LNP1: variants seen among roughly 807,000 people sequenced by gnomAD.
LNP1 encodes the protein leukemia NUP98 fusion partner 1.
LNP1 carries 12 observed loss-of-function variants against 14.5 expected under a neutral mutation model. That is an observed-to-expected ratio of 0.83 (90% CI 0.53 to 1.34). The LOEUF is 1.34. Among genes scored for constraint, LNP1 ranks in the 40% most tolerant of loss-of-function variants. The pLI, the probability that LNP1 is intolerant of heterozygous loss-of-function variation, is 0.00. For missense variants in LNP1, 198 were observed against 210.9 expected (o/e 0.94, Z 0.38); for synonymous variants, 75 against 71.4 (o/e 1.05, Z -0.26).
intron 1 of LNP1, among the ~76,000 whole-genome samples, chr3:100,418,058 C>A (rs1389966512): frequency 1.5e-5 from 2 of 137,770 alleles, no homozygotes; most frequent in African/African-American, 5.7e-5. Context: ...TTTCTCATAC[C>A]ATTTTTTTTT....
chr3:100,417,746 A>G (rs762019760), intron 1 of LNP1, among the ~76,000 whole-genome samples: 2 of 151,960 alleles, frequency 1.3e-5, no homozygotes, highest in Admixed American at 6.6e-5. Flanking sequence ...TTTGAATTAC[A>G]GTATTTGCTC....
In LNP1 at chr3:100,426,109, G is replaced by T. The variant is rs558324420; in HGVS notation, c.-33-3588G>T. Among the ~76,000 whole-genome samples, 182 of 152,292 alleles carry T rather than the reference G, an allele frequency of 1.2e-3. 1 individual carries two copies. The highest frequency in any genetic ancestry group is 4.3e-3 in the African/African-American group (178 of 41,554). ...CCCCTAGCTTGCAGCTTTTGACAGG[G>T]TTCTTGGGATTCATCATTTCTGGTG... On this transcript the variant is annotated intron_variant, in intron 1 of 3. Coordinates refer to ENST00000383693, the MANE Select transcript of LNP1 (RefSeq NM_001085451.2).
intron 1 of LNP1, among the ~76,000 whole-genome samples, chr3:100,410,718 A>G (rs1707024476): frequency 6.6e-6 from 1 of 152,230 alleles, no homozygotes; most frequent in African/African-American, 2.4e-5. Context: ...AAGGAAACAG[A>G]AAAAATGAGA....
chr3:100,429,341 A>G (rs1707222425), intron 1 of LNP1, among the ~76,000 whole-genome samples: 1 of 152,168 alleles, frequency 6.6e-6, no homozygotes, highest in Non-Finnish European at 1.5e-5. Flanking sequence ...ATGCTCCATC[A>G]TCATTGACAG....
At chr3:100,409,440 C>T (rs1466159572) in intron 1 of LNP1, among the ~76,000 whole-genome samples, 2 of 151,120 alleles carry the variant, frequency 1.3e-5, no homozygotes, top group African/African-American at 4.9e-5. Context: ...GTCAGGAGTT[C>T]GAGGCCAGCC....
chr3:100,448,599 T>G (rs1020269374), intron 2 of LNP1, among the ~76,000 whole-genome samples: 3 of 152,208 alleles, frequency 2.0e-5, no homozygotes, highest in African/African-American at 7.2e-5. Flanking sequence ...TCTTAAAACA[T>G]TTATAATATT....
chr3:100,445,277 A>AG (rs1707377344), intron 2 of LNP1, among the ~76,000 whole-genome samples: 1 of 152,246 alleles, frequency 6.6e-6, no homozygotes, highest in Non-Finnish European at 1.5e-5. Context: ...TCTCAAAAAA[A>AG]GTATAGAGAA....
intron 2 of LNP1, among the ~76,000 whole-genome samples, chr3:100,448,754 G>T (rs1457087707): frequency 6.6e-6 from 1 of 151,966 alleles, no homozygotes; most frequent in Non-Finnish European, 1.5e-5. Flanking sequence ...AAACCAATTA[G>T]TTAGAGCTCT....
intron 1 of LNP1, among the ~76,000 whole-genome samples, chr3:100,408,782 A>G (rs920726328): frequency 2.6e-5 from 4 of 152,060 alleles, no homozygotes; most frequent in African/African-American, 9.7e-5. Context: ...TCCCAAGCAG[A>G]CAATATCTTT....
chr3:100,433,227 C>T (rs1345871470), intron 2 of LNP1, among the ~76,000 whole-genome samples: 1 of 152,152 alleles, frequency 6.6e-6, no homozygotes, highest in Non-Finnish European at 1.5e-5. Flanking sequence ...GCCCTCTACC[C>T]TCTGATAGGC....
At chr3:100,449,059 A>C (rs1707413736) in intron 2 of LNP1, among the ~76,000 whole-genome samples, 1 of 152,248 alleles carries the variant, frequency 6.6e-6, no homozygotes, top group African/African-American at 2.4e-5. Flanking sequence ...ATGGATGTCA[A>C]ATAAAACATA....
chr3:100,411,934 A>G (rs1707035690), intron 1 of LNP1, among the ~76,000 whole-genome samples: 1 of 152,220 alleles, frequency 6.6e-6, no homozygotes, highest in Non-Finnish European at 1.5e-5. Context: ...TAGACACTCA[A>G]TAAATACTGT....
intron 1 of LNP1, among the ~76,000 whole-genome samples, chr3:100,429,250 T>G (rs1402099668): frequency 6.6e-6 from 1 of 152,204 alleles, no homozygotes; most frequent in African/African-American, 2.4e-5. Context: ...CTGGCTACCT[T>G]GCAAGCTGTG....
At chr3:100,442,949 G>A (rs1308455046) in intron 2 of LNP1, among the ~76,000 whole-genome samples, 1 of 152,104 alleles carries the variant, frequency 6.6e-6, no homozygotes, top group African/African-American at 2.4e-5. Flanking sequence ...AGAGAAAATA[G>A]GAGGAGGAAG....
intron 1 of LNP1, among the ~76,000 whole-genome samples, chr3:100,408,635 T>C (rs560579554): frequency 3.9e-4 from 59 of 152,286 alleles, no homozygotes; most frequent in African/African-American, 1.3e-3. Flanking sequence ...GCTGCCGGGA[T>C]GGGTCTAGAG....
intron 1 of LNP1, among the ~76,000 whole-genome samples, chr3:100,419,005 C>T (rs909587043): frequency 6.6e-6 from 1 of 152,158 alleles, no homozygotes; most frequent in Non-Finnish European, 1.5e-5. Flanking sequence ...CTTTCTTCTT[C>T]CTCCTGCATG....
At chr3:100,445,146 C>T (rs1363336367) in intron 2 of LNP1, among the ~76,000 whole-genome samples, 1 of 152,140 alleles carries the variant, frequency 6.6e-6, no homozygotes, top group Admixed American at 6.5e-5. Flanking sequence ...GTGGTGGGCA[C>T]CAGTCATCTC....
intron 1 of LNP1, among the ~76,000 whole-genome samples, chr3:100,423,885 G>A (rs901150602): frequency 5.9e-5 from 9 of 152,146 alleles, no homozygotes; most frequent in Non-Finnish European, 7.4e-5. Context: ...GCCCAGGGCC[G>A]TTACTAGGGA....
At chr3:100,420,026 T>G (rs1319164442) in intron 1 of LNP1, among the ~76,000 whole-genome samples, 5 of 152,244 alleles carry the variant, frequency 3.3e-5, no homozygotes, top group Non-Finnish European at 5.9e-5. Context: ...CTGCTTCCTC[T>G]TCAACATTTG....
Sources: gnomAD v4.1 joint callset for allele counts (sites outside exome capture counted in the v4.1 genomes callset) on GRCh38, gnomAD v4.1.1 for gene constraint, MANE v1.5 for transcripts, NCBI Gene and HGNC (gene_info 2026-07-23, HGNC 2026-07-21) for gene names.